PGRMC2: variants seen among roughly 807,000 people sequenced by gnomAD.
The protein encoded by PGRMC2 is progesterone receptor membrane component 2, also known as membrane-associated progesterone receptor component 2.
Under a neutral mutation model 19.3 loss-of-function variants are expected in PGRMC2, and 9 were observed. That is an observed-to-expected ratio of 0.47 (90% CI 0.28 to 0.81). PGRMC2 has a LOEUF of 0.81. Among genes scored for constraint, PGRMC2 ranks in the 40% least tolerant of loss-of-function variants. The pLI is 0.11. For missense variants in PGRMC2, 289 were observed against 297.3 expected (o/e 0.97, Z 0.21); for synonymous variants, 157 against 124.6 (o/e 1.26, Z -1.73).
chr4:128,273,899 G>C (rs1185353763), intron 1 of PGRMC2, among the ~76,000 whole-genome samples: 1 of 152,208 alleles, frequency 6.6e-6, no homozygotes, highest in Admixed American at 6.5e-5. Flanking sequence ...AATTTTAAGA[G>C]TAGCATTCAT....
Position 128,287,410 on chromosome 4 carries a change from G to C in PGRMC2, c.381C>G (p.Val127=). The change falls in exon 1 of 3, where the codon GTC becomes GTG. Residue 127 remains valine (V), a synonymous_variant. Coordinates refer to ENST00000296425, the MANE Select transcript of PGRMC2 (RefSeq NM_006320.6). The part of the protein sequence containing the change: ...PRILLAVNGK[V]FDVTKGSKFY... ...ACTTGCTGCCTTTGGTCACGTCGAA[G>C]ACTTTCCCATTGACCGCGAGCAGGA... 1 of 1,611,704 alleles carries C rather than the reference G, an allele frequency of 6.2e-7. No homozygotes were observed. The highest frequency in any genetic ancestry group is 8.5e-7 in the Non-Finnish European group (1 of 1,178,200).
intron 1 of PGRMC2, among the ~76,000 whole-genome samples, chr4:128,273,624 A>C (rs1760764787): frequency 6.6e-6 from 1 of 152,238 alleles, no homozygotes. Context: ...TAAGTAAACA[A>C]GCAGAAAAAA....
At position 128,271,421 on chromosome 4, in the gene PGRMC2, A is replaced by T. The variant is rs750923740; in HGVS notation, c.575-8T>A. 3 of 1,469,038 alleles carry T rather than the reference A, an allele frequency of 2.0e-6. No individual in the cohort carries two copies. Among genetic ancestry groups the T allele is most frequent in the Non-Finnish European group, 1.9e-6 (2 of 1,049,292 alleles). The allele number at this position is 1,469,038 out of a possible 1,614,324, so 91.0% of individuals were successfully genotyped here. ...CTACATAATCATATTTTTCTGAAAG[A>T]TACATCAAAAGAAAATCAGTGGTGA... On this transcript the variant is annotated splice_polypyrimidine_tract_variant and splice_region_variant and intron_variant, in intron 2 of 2. Transcript: ENST00000296425.
intron 2 of PGRMC2, among the ~76,000 whole-genome samples, 174 bp from the exon 3 acceptor site, chr4:128,271,587 T>C (rs1379669680): frequency 1.3e-5 from 2 of 152,234 alleles, no homozygotes; most frequent in Non-Finnish European, 2.9e-5. Flanking sequence ...ATGTAAAGCC[T>C]GAACAAAAGA....
rs753741474 is a variant in PGRMC2 at position 128,287,786 on chromosome 4, G to T, written c.5C>A (p.Ala2Glu). Residue 2 changes from alanine (A) to glutamate (E), a missense_variant, in exon 1 of 3, where the codon GCG becomes GAG. Ala to Glu is a moderately radical substitution (Grantham distance 107, BLOSUM62 -1). Coordinates refer to ENST00000296425, the MANE Select transcript of PGRMC2 (RefSeq NM_006320.6). M[A>E]AGDGDVKLGT... ...TAGCTTCACGTCCCCATCACCAGCC[G>T]CCATCACTGCCCGCCAGCGCCTTCC... 2 of 1,481,472 alleles carry T rather than the reference G, an allele frequency of 1.4e-6. No individual in the cohort carries two copies. Among genetic ancestry groups the T allele is most frequent in the East Asian group, 2.3e-5 (1 of 43,352 alleles). The allele number at this position is 1,481,472 out of a possible 1,614,324, so 91.8% of individuals were successfully genotyped here. A position where few individuals can be genotyped will look rare whatever the true frequency, so the allele number is the denominator to read the frequency against.
In PGRMC2 at chr4:128,287,554, A is replaced by ACCCCCCCCCCCCC; in HGVS notation, c.236_237insGGGGGGGGGGGGG (p.Leu80GlyfsTer74). On this transcript the variant is annotated frameshift_variant, in exon 1 of 3. Coordinates refer to ENST00000296425, the MANE Select transcript of PGRMC2 (RefSeq NM_006320.6). LOFTEE classifies it high-confidence loss of function. The stretch of plus-strand genomic sequence containing the variant: ...CGCCCGCCCCGGCCCCGGCCCCCAG[A>ACCCCCCCCCCCCC]CCCCGCCGCCCCCAGCGCACCCACA... 1 of 924,842 alleles carries ACCCCCCCCCCCCC rather than the reference A, an allele frequency of 1.1e-6. No homozygotes were observed. Among genetic ancestry groups the ACCCCCCCCCCCCC allele is most frequent in the Non-Finnish European group, 1.5e-6 (1 of 673,000 alleles). The allele number at this position is 924,842 out of a possible 1,614,324, so 57.3% of individuals were successfully genotyped here.
At chr4:128,286,142 A>G (rs1289836129) in intron 1 of PGRMC2, among the ~76,000 whole-genome samples, 1 of 142,856 alleles carries the variant, frequency 7.0e-6, no homozygotes, top group Non-Finnish European at 1.5e-5. Flanking sequence ...ATTAAGGAGA[A>G]AACCAGCTTA....
At chr4:128,285,202 T>G (rs1213690635) in intron 1 of PGRMC2, among the ~76,000 whole-genome samples, 1 of 152,186 alleles carries the variant, frequency 6.6e-6, no homozygotes, top group Non-Finnish European at 1.5e-5. Flanking sequence ...CTCGGCTCAC[T>G]GCAACCCCCA....
intron 1 of PGRMC2, among the ~76,000 whole-genome samples, chr4:128,285,740 T>A (rs889057264): frequency 1.3e-5 from 2 of 152,072 alleles, no homozygotes; most frequent in African/African-American, 2.4e-5. Context: ...ATCCTTGATT[T>A]AAAAAAAATT....
chr4:128,276,292 T>C (rs1760811165), intron 1 of PGRMC2, among the ~76,000 whole-genome samples: 1 of 152,182 alleles, frequency 6.6e-6, no homozygotes, highest in South Asian at 2.1e-4. Flanking sequence ...ATAAAGCCAA[T>C]TTGAAATGGT....
chr4:128,272,459 G>A lies in PGRMC2; in HGVS notation c.477C>T (p.Cys159=). Residue 159 remains cysteine (C), a synonymous_variant, in exon 2 of 3, where the codon TGC becomes TGT. Coordinates refer to ENST00000296425, the MANE Select transcript of PGRMC2 (RefSeq NM_006320.6). ...RDASRGLATF[C]LDKDALRDEY... ...CATCTCTAAGTGCATCTTTATCTAG[G>A]CAAAATGTGGCCAGTCCTCTGGAGG... The A allele has an allele frequency of 6.3e-7, 1 of 1,583,340 alleles. No individual in the cohort carries two copies. Among genetic ancestry groups the A allele is most frequent in the Admixed American group, 1.8e-5 (1 of 55,350 alleles).
At chr4:128,275,879 C>G (rs1266710118) in intron 1 of PGRMC2, among the ~76,000 whole-genome samples, 1 of 152,148 alleles carries the variant, frequency 6.6e-6, no homozygotes, top group East Asian at 1.9e-4. Context: ...GCATGGCCCA[C>G]CAGGCCTGCA....
chr4:128,287,447 C>T lies in PGRMC2; in HGVS notation c.344G>A (p.Arg115His), dbSNP rs866824972. 1.2e-6 allele frequency: 2 copies of T among 1,613,308 alleles called. No homozygotes were observed. Among genetic ancestry groups the T allele is most frequent in the Non-Finnish European group, 1.7e-6 (2 of 1,179,462 alleles). ...LEQLRQYDGS[R>H]NPRILLAVNG... is the part of the protein sequence containing the mutation. ...GACCGCGAGCAGGATGCGCGGGTTG[C>T]GGGAGCCGTCGTACTGGCGCAGCTG... The change falls in exon 1 of 3, where the codon CGC becomes CAC. Residue 115 changes from arginine to histidine, a missense_variant. Coordinates refer to ENST00000296425, the MANE Select transcript of PGRMC2 (RefSeq NM_006320.6).
chr4:128,287,564 C>A lies in PGRMC2; in HGVS notation c.227G>T (p.Gly76Val). ...GGCCCCGGCCCCCAGACCCCGCCGC[C>A]CCCAGCGCACCCACAGCCGGTAGGC... ...LGAYRLWVRW[G>V]RRGLGAGAGA... is the part of the protein sequence containing the mutation. Residue 76 changes from glycine to valine, a missense_variant, in exon 1 of 3, where the codon GGG becomes GTG. Coordinates refer to ENST00000296425, the MANE Select transcript of PGRMC2 (RefSeq NM_006320.6). 1 of 1,537,430 alleles carries A rather than the reference C, an allele frequency of 6.5e-7. No homozygotes were observed. The highest frequency in any genetic ancestry group is 8.8e-7 in the Non-Finnish European group (1 of 1,141,808).
intron 1 of PGRMC2, among the ~76,000 whole-genome samples, chr4:128,280,963 T>C (rs997708995): frequency 6.6e-6 from 1 of 151,956 alleles, no homozygotes; most frequent in African/African-American, 2.4e-5. Flanking sequence ...ATAAAAAATT[T>C]TTTCCTGCCA....
chr4:128,283,894 C>T (rs897453200), intron 1 of PGRMC2, among the ~76,000 whole-genome samples: 4 of 152,208 alleles, frequency 2.6e-5, no homozygotes, highest in African/African-American at 7.2e-5. Flanking sequence ...CTCCTGACCT[C>T]AGGTGATCTG....
At chr4:128,287,195 G>C (rs1352214474) in intron 1 of PGRMC2, 178 bp downstream of exon 1, 8 of 579,492 alleles carry the variant, frequency 1.4e-5, no homozygotes, top group Admixed American at 3.6e-5. Context: ...CCGTAGCTGC[G>C]GGGGGACGGT....
rs1760962805 is a variant in PGRMC2 at position 128,285,027 on chromosome 4, A to G, written c.418+2346T>C. Among the ~76,000 whole-genome samples, 3 of 152,220 alleles carry G rather than the reference A, an allele frequency of 2.0e-5. No homozygotes were observed. In the South Asian group the frequency reaches 6.2e-4, roughly 31 times the overall value. On this transcript the variant is annotated intron_variant, in intron 1 of 2. Transcript: ENST00000296425. ...TTAGGCTGTTCAACAGAACCTAGGA[A>G]CTGGCAGAAACTAATCTAAAACTGA...
At chr4:128,277,571 A>C (rs1352967175) in intron 1 of PGRMC2, among the ~76,000 whole-genome samples, 1 of 152,192 alleles carries the variant, frequency 6.6e-6, no homozygotes, top group East Asian at 1.9e-4. Context: ...AATTAATTAA[A>C]GTTTATCAAC....
Sources: allele counts gnomAD v4.1 joint callset (sites outside exome capture counted in the v4.1 genomes callset), GRCh38; gene constraint gnomAD v4.1.1; transcripts MANE v1.5; gene names NCBI Gene and HGNC (gene_info 2026-07-23, HGNC 2026-07-21).